The following POLQ variants were observed in gnomAD, a reference collection of about 807,000 sequenced individuals.
POLQ encodes the protein DNA polymerase theta, also known as epididymis secretory sperm binding protein.
Under a neutral mutation model 259.2 loss-of-function variants are expected in POLQ, and 233 were observed. The observed-to-expected ratio is 0.90, with a 90% CI of 0.81 to 1.00. The LOEUF is 1.00. Ranked by LOEUF, POLQ falls within the 50% of genes least tolerant of loss-of-function variation. The pLI is 0.00. For synonymous variants in POLQ, 1,025 were observed against 1,048.8 expected (o/e 0.98, Z 0.44); for missense variants, 2,871 against 3,051.6 (o/e 0.94, Z 1.39).
intron 12 of POLQ, among the ~76,000 whole-genome samples, chr3:121,506,829 A>G (rs981754517): frequency 6.6e-6 from 1 of 152,248 alleles, no homozygotes; most frequent in African/African-American, 2.4e-5. Flanking sequence ...ATAATTTGCC[A>G]CAAGAAAATA....
At chr3:121,520,784 C>T (rs1397972542) in intron 8 of POLQ, among the ~76,000 whole-genome samples, 1 of 152,154 alleles carries the variant, frequency 6.6e-6, no homozygotes, top group Non-Finnish European at 1.5e-5. Flanking sequence ...ACTTGCTAAC[C>T]ACTGTTCTAA....
intron 26 of POLQ, among the ~76,000 whole-genome samples, chr3:121,440,387 G>A (rs1405181030): frequency 6.6e-6 from 1 of 152,146 alleles, no homozygotes; most frequent in African/African-American, 2.4e-5. Flanking sequence ...AGGTGGGAGT[G>A]CAGTGGTGCT....
At chr3:121,446,655 T>C (rs1020677301) in intron 26 of POLQ, among the ~76,000 whole-genome samples, 3 of 152,206 alleles carry the variant, frequency 2.0e-5, no homozygotes, top group Non-Finnish European at 2.9e-5. Context: ...TCTTGCTTAA[T>C]TGACTCAAAA....
chr3:121,498,633 C>T lies in POLQ; in HGVS notation c.1997G>A (p.Trp666Ter). 1 of 1,613,422 alleles carries T rather than the reference C, an allele frequency of 6.2e-7. No individual in the cohort carries two copies. The highest frequency in any genetic ancestry group is 8.5e-7 in the Non-Finnish European group (1 of 1,179,392). The change falls in exon 13 of 30, where the codon TGG (tryptophan) becomes TAG (stop). Residue 666 changes from tryptophan to a stop codon, truncating the protein, a stop_gained. Coordinates refer to ENST00000264233, the MANE Select transcript of POLQ (RefSeq NM_199420.4). LOFTEE classifies it high-confidence loss of function. ...CTCCCATAAACAGAAAAATCGATAC[C>T]AATCAATAGTAGTCCAATCCTCAAA... ...PMFEDWTTIDWYRFFCLWEKL... is the reference protein window; with the variant it reads ...PMFEDWTTID
intron 24 of POLQ, among the ~76,000 whole-genome samples, chr3:121,466,285 A>G (rs968894047): frequency 1.4e-5 from 2 of 147,676 alleles, no homozygotes; most frequent in Non-Finnish European, 3.0e-5. Context: ...GCTGCAAGGA[A>G]AAAAAAAAAA....
At chr3:121,481,522 A>G (rs1340621048) in intron 19 of POLQ, 50 bp downstream of exon 19, 1 of 1,497,712 alleles carries the variant, frequency 6.7e-7, no homozygotes. Context: ...GAGTGGCTAA[A>G]TCTCTATCTC....
Position 121,488,178 on chromosome 3 carries a change from C to A in POLQ, c.4753G>T (p.Val1585Leu). The A allele has an allele frequency of 6.2e-7, 1 of 1,613,532 alleles. No homozygotes were observed. Among genetic ancestry groups the A allele is most frequent in the Non-Finnish European group, 8.5e-7 (1 of 1,179,758 alleles). The change falls in exon 16 of 30, where the codon GTA becomes TTA. Residue 1585 changes from valine (V) to leucine (L), a missense_variant. Physicochemically the swap from Val to Leu is conservative, Grantham distance 32. This residue lies in a region of POLQ where 2,080 missense variants were observed against 2,126.0 expected (regional missense o/e 0.98). Transcript: ENST00000264233. The stretch of plus-strand genomic sequence containing the variant: ...AGTTCTAATGCTCTAGGAGATACTA[C>A]AGTATGATTCTTCTCTTGGACAGGA... ...IFPVQEKNHT[V>L]VSPRALELSD...
rs144166929 is a variant in POLQ at position 121,542,240 on chromosome 3, C to T, written c.344-761G>A. On this transcript the variant is annotated intron_variant, in intron 2 of 29. Transcript: ENST00000264233. The stretch of plus-strand genomic sequence containing the variant: ...AGGTAAGGAAGAAAGCAAGAGGAGG[C>T]CACGATGGGCAAGGTGTTGTATGTC... Among the ~76,000 whole-genome samples the T allele has an allele frequency of 8.1e-3, 1,235 of 151,792 alleles. 15 individuals carry two copies. Among genetic ancestry groups the T allele is most frequent in the African/African-American group, 0.028 (1,173 of 41,444 alleles).
rs1560094485 is a variant in POLQ at position 121,479,361 on chromosome 3, A to ATGTGTGT, written c.6211+2210_6211+2211insACACACA. On this transcript the variant is annotated intron_variant, in intron 19 of 29. Transcript: ENST00000264233. ...ACCCTCATCTCTACAAAAAAAAAAA[A>ATGTGTGT]ATGTGTGTGTGTGTGTGTGTGTGTG... Among the ~76,000 whole-genome samples, 83 of 71,736 alleles carry ATGTGTGT rather than the reference A, an allele frequency of 1.2e-3. No individual in the cohort carries two copies. In the East Asian group the frequency reaches 0.059, roughly 51 times the overall value. 47.1% of individuals were successfully genotyped at this position (71,736 alleles called of 152,430 possible).
intron 20 of POLQ, 115 bp downstream of exon 20, chr3:121,476,425 C>T (rs2047925654): frequency 1.5e-6 from 1 of 683,444 alleles, no homozygotes; most frequent in African/African-American, 1.9e-5. Flanking sequence ...CTGGCTGTTT[C>T]ATTTTACTGA....
chr3:121,463,711 G>GA (rs1316032532), intron 24 of POLQ, among the ~76,000 whole-genome samples: 2 of 151,972 alleles, frequency 1.3e-5, no homozygotes, highest in African/African-American at 4.8e-5. Context: ...AAGTAGATAT[G>GA]AAAAAATTAG....
At position 121,468,349 on chromosome 3, in the gene POLQ, G is replaced by A; in HGVS notation, c.6801C>T (p.Ser2267=). The A allele has an allele frequency of 1.2e-6, 2 of 1,611,744 alleles. No individual in the cohort carries two copies. The highest frequency in any genetic ancestry group is 1.7e-6 in the Non-Finnish European group (2 of 1,177,960). ...CTTTGCCTACAGCTTGAGAAGGTGG[G>A]CTTTCTCCTACTAGTGTTGGCATTT... ...EIKMPTLVGE[S]PPSQAVGKGL... is the part of the protein sequence containing the mutation. The change falls in exon 23 of 30, where the codon AGC becomes AGT. Residue 2267 remains serine, a synonymous_variant. Coordinates refer to ENST00000264233, the MANE Select transcript of POLQ (RefSeq NM_199420.4).
intron 12 of POLQ, among the ~76,000 whole-genome samples, chr3:121,499,542 A>G (rs1174318439): frequency 6.6e-6 from 1 of 152,242 alleles, no homozygotes; most frequent in African/African-American, 2.4e-5. Context: ...GGCATCAGCC[A>G]CTGCGCCCGG....
At chr3:121,459,369 A>ATTTTTTTTTTTTTTT (rs58859161) in intron 25 of POLQ, among the ~76,000 whole-genome samples, 29 of 104,756 alleles carry the variant, frequency 2.8e-4, no homozygotes, top group South Asian at 1.6e-3. Flanking sequence ...GACTAGAAAG[A>ATTTTTTTTTTTTTTT]TTTTTTTTTT....
At chr3:121,482,003 G>A (rs1020787867) in intron 18 of POLQ, among the ~76,000 whole-genome samples, 191 bp from the exon 19 acceptor site, 1 of 152,146 alleles carries the variant, frequency 6.6e-6, no homozygotes, top group Non-Finnish European at 1.5e-5. Context: ...AGCAACAACA[G>A]CAGTAGCTTT....
chr3:121,531,225 A>G (rs2048409901), intron 6 of POLQ, among the ~76,000 whole-genome samples: 1 of 152,184 alleles, frequency 6.6e-6, no homozygotes, highest in African/African-American at 2.4e-5. Flanking sequence ...GGTTTTGAAA[A>G]GTGCTAAGGG....
chr3:121,496,087 G>A (rs756255794), intron 14 of POLQ, among the ~76,000 whole-genome samples: 66 of 151,288 alleles, frequency 4.4e-4, no homozygotes, highest in Non-Finnish European at 7.4e-4. Context: ...CAGACCAGTG[G>A]TTCCTTAGAT....
At chr3:121,506,802 A>C (rs2048212221) in intron 12 of POLQ, among the ~76,000 whole-genome samples, 1 of 152,226 alleles carries the variant, frequency 6.6e-6, no homozygotes, top group East Asian at 1.9e-4. Context: ...TGTGTGTACC[A>C]TGTTACTTAC....
In POLQ at chr3:121,489,330, G is replaced by C; in HGVS notation, c.3601C>G (p.His1201Asp). 1.9e-6 allele frequency: 3 copies of C among 1,613,336 alleles called. No individual in the cohort carries two copies. Among genetic ancestry groups the C allele is most frequent in the Non-Finnish European group, 2.5e-6 (3 of 1,179,716 alleles). ...TTGGTAATAGTGCTTGTCTGTTCATGAGATTGCTTTCGCAGGTACTGGTTA... is the reference window on the plus strand; with the variant it reads ...TTGGTAATAGTGCTTGTCTGTTCATCAGATTGCTTTCGCAGGTACTGGTTA... ...PINQYLRKQS[H>D]EQTSTITKQK... The change falls in exon 16 of 30, where the codon CAT (histidine) becomes GAT (aspartate). Residue 1201 changes from histidine to aspartate, a missense_variant. By Grantham distance (81) the His-to-Asp change is moderately conservative. This residue lies in a region of POLQ where 2,080 missense variants were observed against 2,126.0 expected (regional missense o/e 0.98). Transcript: ENST00000264233.
Sources: gnomAD v4.1 joint callset for allele counts (sites outside exome capture counted in the v4.1 genomes callset) on GRCh38, gnomAD v4.1.1 for gene constraint, gnomAD v4.1.1 regional missense constraint, MANE v1.5 for transcripts, NCBI Gene and HGNC (gene_info 2026-07-23, HGNC 2026-07-21) for gene names.